The following HPD variants were observed in gnomAD, a reference collection of about 807,000 sequenced individuals.
The protein encoded by HPD is 4-hydroxyphenylpyruvic acid oxidase.
In HPD, 35 loss-of-function variants were observed where a neutral mutation model predicts 56.9. The ratio of observed to expected loss-of-function variants is 0.62; its 90% CI spans 0.47 to 0.82. HPD has a LOEUF of 0.82. Among genes scored for constraint, HPD ranks in the 40% least tolerant of loss-of-function variants. HPD has a pLI of 0.00. For missense variants in HPD, 442 were observed against 506.8 expected (o/e 0.87, Z 1.23); for synonymous variants, 186 against 200.2 (o/e 0.93, Z 0.60).
the HPD span, among the ~76,000 whole-genome samples, chr12:121,875,753 G>C: frequency 6.6e-6 from 1 of 152,094 alleles, no homozygotes; most frequent in Admixed American, 6.6e-5. Flanking sequence ...GTATCAACAT[G>C]AAGTCATTGA....
the HPD span, among the ~76,000 whole-genome samples, chr12:121,878,023 G>A: frequency 6.6e-6 from 1 of 152,182 alleles, no homozygotes; most frequent in Non-Finnish European, 1.5e-5. Flanking sequence ...GCTCTGCGGG[G>A]AGGGAGGAAG....
rs1267659062 is a variant in HPD at position 121,839,553 on chromosome 12, A to G, written c.*175T>C. On this transcript the variant is annotated 3_prime_UTR_variant, in exon 14 of 14. Coordinates refer to ENST00000289004, the MANE Select transcript of HPD (RefSeq NM_002150.3). The stretch of plus-strand genomic sequence containing the variant: ...TGGACCGGGGCACGCTTTAATCGGG[A>G]GGGCTGGAGCAGAGGGCGGCCCCGC... 1.3e-5 allele frequency: 8 copies of G among 634,548 alleles called. No individual in the cohort carries two copies. Among genetic ancestry groups the G allele is most frequent in the Non-Finnish European group, 2.3e-5 (8 of 355,112 alleles). The allele number at this position is 634,548 out of a possible 1,614,324, so 39.3% of individuals were successfully genotyped here.
chr12:121,875,329 A>C, the HPD span, among the ~76,000 whole-genome samples: 1 of 152,002 alleles, frequency 6.6e-6, no homozygotes, highest in African/African-American at 2.4e-5. Context: ...AATCAACAAA[A>C]CAGTAACCTT....
chr12:121,840,791 G>A (rs1474420230), intron 12 of HPD, among the ~76,000 whole-genome samples: 1 of 152,000 alleles, frequency 6.6e-6, no homozygotes, highest in East Asian at 1.9e-4. Flanking sequence ...AAAAAAGGGG[G>A]TGGCCAGGCA....
chr12:121,843,724 T>C lies in HPD; in HGVS notation c.940A>G (p.Ile314Val). ...KTAKIKVKEN[I>V]DALEELKILV... ...CTGGGCCTCACCTCCAGGGCATCAA[T>C]GTTCTCCTTCACCTTGATCTTGGCC... Residue 314 changes from isoleucine (I) to valine (V), a missense_variant, in exon 12 of 14, where the codon ATT (isoleucine) becomes GTT (valine). Physicochemically the swap from Ile to Val is conservative, Grantham distance 29. Transcript: ENST00000289004. 3.7e-6 allele frequency: 6 copies of C among 1,614,178 alleles called. No homozygotes were observed. The highest frequency in any genetic ancestry group is 1.1e-5 in the South Asian group (1 of 91,080).
upstream of HPD, among the ~76,000 whole-genome samples, chr12:121,861,618 A>G (rs1878175790): frequency 6.6e-6 from 1 of 152,218 alleles, no homozygotes; most frequent in African/African-American, 2.4e-5. Flanking sequence ...CATGAAAAAG[A>G]GGCAATCTCT....
chr12:121,869,100 T>C, the HPD span, among the ~76,000 whole-genome samples: 2 of 152,028 alleles, frequency 1.3e-5, no homozygotes, highest in African/African-American at 4.8e-5. Flanking sequence ...ATGCCTGTAA[T>C]CCTAGCACTT....
At chr12:121,886,437 C>T in the HPD span, among the ~76,000 whole-genome samples, 3 of 121,148 alleles carry the variant, frequency 2.5e-5, no homozygotes, top group Non-Finnish European at 4.8e-5. Context: ...TTTTTTGAGA[C>T]GGAGTCTTGC....
intron 9 of HPD, among the ~76,000 whole-genome samples, chr12:121,848,510 C>T (rs931069352): frequency 2.6e-5 from 4 of 152,004 alleles, no homozygotes; most frequent in African/African-American, 9.7e-5. Flanking sequence ...CCGGGGTTCG[C>T]CATGTTGGTC....
chr12:121,839,804 T>C lies in HPD; in HGVS notation c.1106A>G (p.Lys369Arg), dbSNP rs777094600. The C allele has an allele frequency of 7.4e-6, 12 of 1,614,054 alleles. No individual in the cohort carries two copies. In the Admixed American group the frequency reaches 1.5e-4, roughly 20 times the overall value. ...CAGGTTCTGCTCCTCCTCGAAAGCCTTGAACAGTGAGTTGAAGTTGCCGGC... is the reference window on the plus strand; with the variant it reads ...CAGGTTCTGCTCCTCCTCGAAAGCCCTGAACAGTGAGTTGAAGTTGCCGGC... ...FGAGNFNSLF[K>R]AFEEEQNLRG... The change falls in exon 14 of 14, where the codon AAG becomes AGG. Residue 369 changes from lysine (K) to arginine (R), a missense_variant. Coordinates refer to ENST00000289004, the MANE Select transcript of HPD (RefSeq NM_002150.3).
At chr12:121,873,102 T>G in the HPD span, among the ~76,000 whole-genome samples, 1 of 152,160 alleles carries the variant, frequency 6.6e-6, no homozygotes, top group Admixed American at 6.6e-5. Context: ...AGGTAGTACT[T>G]GATCATTTTG....
At chr12:121,845,557 C>T (rs1449645101) in intron 11 of HPD, among the ~76,000 whole-genome samples, 3 of 148,026 alleles carry the variant, frequency 2.0e-5, no homozygotes, top group African/African-American at 5.0e-5. Flanking sequence ...GCCGAGATCG[C>T]GCCACTGCAC....
At chr12:121,879,482 G>GTTCTTTTCTC in the HPD span, among the ~76,000 whole-genome samples, 1 of 147,894 alleles carries the variant, frequency 6.8e-6, no homozygotes, top group African/African-American at 2.5e-5. Flanking sequence ...TTTCTCTTCT[G>GTTCTTTTCTC]TTCTCTTCTC....
the HPD span, among the ~76,000 whole-genome samples, chr12:121,880,166 A>G: frequency 6.6e-6 from 1 of 151,710 alleles, no homozygotes; most frequent in African/African-American, 2.4e-5. Flanking sequence ...AAAAGAAAAA[A>G]AAAAAAAAAG....
At chr12:121,856,893 T>A (rs774755390) in intron 4 of HPD, 80 of 552,740 alleles carry the variant, frequency 1.4e-4, no homozygotes, top group Non-Finnish European at 2.3e-4. Context: ...GTCAGGGCAC[T>A]GCTTAAAATT....
the HPD span, among the ~76,000 whole-genome samples, chr12:121,887,484 C>T: frequency 6.6e-6 from 1 of 152,036 alleles, no homozygotes; most frequent in East Asian, 1.9e-4. Context: ...GGGTTCGAGA[C>T]CTCAGCCTCC....
the HPD span, among the ~76,000 whole-genome samples, chr12:121,886,762 T>TA: frequency 6.6e-6 from 1 of 152,154 alleles, no homozygotes; most frequent in African/African-American, 2.4e-5. Flanking sequence ...TACTATAATT[T>TA]AATATAAAGT....
intron 7 of HPD, among the ~76,000 whole-genome samples, chr12:121,852,054 C>CT (rs1877811315): frequency 6.6e-6 from 1 of 151,994 alleles, no homozygotes; most frequent in African/African-American, 2.4e-5. Flanking sequence ...GAGTCTCACT[C>CT]TGTCAACCAG....
chr12:121,882,284 A>G, the HPD span, among the ~76,000 whole-genome samples: 1 of 151,976 alleles, frequency 6.6e-6, no homozygotes, highest in African/African-American at 2.4e-5. Context: ...GGCAGTATGA[A>G]TTCTGACCAA....
Sources: allele counts gnomAD v4.1 joint callset (sites outside exome capture counted in the v4.1 genomes callset), GRCh38; gene constraint gnomAD v4.1.1; transcripts MANE v1.5; gene names NCBI Gene and HGNC (gene_info 2026-07-23, HGNC 2026-07-21).